Variants in ANKRD28 observed in about 807,000 individuals in gnomAD.
The protein encoded by ANKRD28 is serine/threonine-protein phosphatase 6 regulatory ankyrin repeat subunit A.
A neutral mutation model predicts 126.5 loss-of-function variants in ANKRD28; 44 were observed. That is an observed-to-expected ratio of 0.35 (90% confidence interval 0.27 to 0.45). The LOEUF is 0.45. Among genes scored for constraint, ANKRD28 ranks in the 20% least tolerant of loss-of-function variants. ANKRD28 has a pLI of 1.00. For missense variants in ANKRD28, 1,110 were observed against 1,316.6 expected (o/e 0.84, Z 2.43); for synonymous variants, 442 against 468.5 (o/e 0.94, Z 0.73).
chr3:15,685,892 G>A (rs999576619), intron 20 of ANKRD28, 110 bp downstream of exon 20: 13 of 807,972 alleles, frequency 1.6e-5, no homozygotes, highest in Non-Finnish European at 2.3e-5. Flanking sequence ...AAATGGTAAA[G>A]ACTATTTGAC....
intron 1 of ANKRD28, among the ~76,000 whole-genome samples, chr3:15,807,175 T>C (rs2060601903): frequency 6.6e-6 from 1 of 152,204 alleles, no homozygotes; most frequent in African/African-American, 2.4e-5. Context: ...GCAGTAGAAG[T>C]GGAAATATCC....
rs1013657487 is a variant in ANKRD28, at chr3:15,669,939, T to G, written c.*331A>C. 1 of 196,950 alleles carries G rather than the reference T, an allele frequency of 5.1e-6. No homozygotes were observed. The highest frequency in any genetic ancestry group is 2.3e-5 in the African/African-American group (1 of 42,964). The allele number at this position is 196,950 out of a possible 1,614,324, so 12.2% of individuals were successfully genotyped here. A position where few individuals can be genotyped will look rare whatever the true frequency, so the allele number is the denominator to read the frequency against. ...AATTTAAATCTAGTGTCTTTATTTC[T>G]TCTGTTACAATAGTGTTGCTTGTGT... On this transcript the variant is annotated 3_prime_UTR_variant, in exon 28 of 28. Transcript: ENST00000683139.
At chr3:15,762,224 A>AAAAAAAAAAAAAAAAAC (rs2058521761) in intron 3 of ANKRD28, among the ~76,000 whole-genome samples, 3 of 107,696 alleles carry the variant, frequency 2.8e-5, no homozygotes, top group African/African-American at 1.0e-4. Flanking sequence ...CAAAACAAAA[A>AAAAAAAAAAAAAAAAAC]AAAAAAAACT....
chr3:15,811,807 T>G (rs1161162230), intron 1 of ANKRD28, among the ~76,000 whole-genome samples: 1 of 151,904 alleles, frequency 6.6e-6, no homozygotes, highest in Non-Finnish European at 1.5e-5. Context: ...GAAATTGTGG[T>G]TTTCTATAGA....
At chr3:15,810,981 C>G (rs1231160499) in intron 1 of ANKRD28, among the ~76,000 whole-genome samples, 1 of 152,176 alleles carries the variant, frequency 6.6e-6, no homozygotes, top group Non-Finnish European at 1.5e-5. Context: ...TGCTGACCTA[C>G]AATCCCCTAT....
chr3:15,716,927 A>C lies in ANKRD28; in HGVS notation c.997-2271T>G, dbSNP rs531464246. Among the ~76,000 whole-genome samples, 79 of 152,154 alleles carry C rather than the reference A, an allele frequency of 5.2e-4. 1 individual carries two copies. Among genetic ancestry groups the C allele is most frequent in the African/African-American group, 1.8e-3 (76 of 41,516 alleles). ...AAGTGAGCTATGATGGTGCCACTGCACTCTGGGCTGGTCAACAGAGTGAGA... is the reference window on the plus strand; with the variant it reads ...AAGTGAGCTATGATGGTGCCACTGCCCTCTGGGCTGGTCAACAGAGTGAGA... On this transcript the variant is annotated intron_variant, in intron 8 of 27. Transcript: ENST00000683139.
intron 27 of ANKRD28, among the ~76,000 whole-genome samples, chr3:15,671,615 G>T (rs942657056): frequency 2.1e-5 from 3 of 140,944 alleles, no homozygotes; most frequent in Non-Finnish European, 4.5e-5. Context: ...GACAGAGTCT[G>T]CTCGGTCACC....
At chr3:15,813,800 T>C (rs1205366359) in intron 1 of ANKRD28, among the ~76,000 whole-genome samples, 1 of 152,244 alleles carries the variant, frequency 6.6e-6, no homozygotes, top group Non-Finnish European at 1.5e-5. Flanking sequence ...ACTGAATGAC[T>C]GTTAATGTTT....
In ANKRD28 at chr3:15,839,558, AACATGAT is replaced by A. The variant is rs1417888834; in HGVS notation, c.27+19812_27+19818del. Among the ~76,000 whole-genome samples, 1 of 152,188 alleles carries A rather than the reference AACATGAT, an allele frequency of 6.6e-6. No homozygotes were observed. Among genetic ancestry groups the A allele is most frequent in the Non-Finnish European group, 1.5e-5 (1 of 68,026 alleles). On this transcript the variant is annotated intron_variant, in intron 1 of 27. Transcript: ENST00000399451. The surrounding 1 kb of genome is among the most constrained non-coding windows in gnomAD (Gnocchi z 4.3). ...AATTTCCATCTGCAGGGTAAATAAT[AACATGAT>A]ACATGAACCAGACAAAGACACATTA... is the stretch of plus-strand genomic sequence containing the variant.
intron 1 of ANKRD28, among the ~76,000 whole-genome samples, chr3:15,831,286 A>G (rs1451188619): frequency 6.6e-6 from 1 of 152,194 alleles, no homozygotes; most frequent in African/African-American, 2.4e-5. Context: ...ATGTTTCTCT[A>G]CACAAGACAC....
intron 2 of ANKRD28, among the ~76,000 whole-genome samples, chr3:15,784,754 T>C (rs762328659): frequency 2.6e-5 from 4 of 151,984 alleles, no homozygotes; most frequent in Non-Finnish European, 5.9e-5. Flanking sequence ...GTATATATTG[T>C]CTGTAAAAAA....
chr3:15,781,011 T>C (rs1303086021), intron 2 of ANKRD28, among the ~76,000 whole-genome samples: 1 of 151,938 alleles, frequency 6.6e-6, no homozygotes, highest in Non-Finnish European at 1.5e-5. Context: ...TGGGCAATAT[T>C]TTTTTGGATA....
chr3:15,677,643 G>A, intron 24 of ANKRD28, 81 bp from the exon 25 acceptor site: 4 of 1,056,544 alleles, frequency 3.8e-6, no homozygotes, highest in Admixed American at 4.9e-5. Context: ...GAGAAATGAA[G>A]ATACAAAGCA....
Position 15,797,943 on chromosome 3 carries a change from C to A in ANKRD28, c.-1422G>T, listed in dbSNP as rs763230514. The A allele has an allele frequency of 3.0e-6, 3 of 985,276 alleles. No homozygotes were observed. Among genetic ancestry groups the A allele is most frequent in the Non-Finnish European group, 2.4e-6 (2 of 829,898 alleles). 61.0% of individuals were successfully genotyped at this position (985,276 alleles called of 1,614,324 possible). A position where few individuals can be genotyped will look rare whatever the true frequency, so the allele number is the denominator to read the frequency against. ...GACTGCAGACCCACAGGATGAAATG[C>A]CTAGTAATGCTCACATGTTACACTT... On this transcript the variant is annotated 5_prime_UTR_variant, in exon 1 of 28. Transcript: ENST00000683139.
rs1361999553 is a variant in ANKRD28 at position 15,817,754 on chromosome 3, C to A, written c.28-22448G>T. ...GAATGCCTGCTCTTAATCACTCTTACTTAATATCATATTGAAAGAAAGAGC... is the reference window on the plus strand; with the variant it reads ...GAATGCCTGCTCTTAATCACTCTTAATTAATATCATATTGAAAGAAAGAGC... On this transcript the variant is annotated intron_variant, in intron 1 of 27. Transcript: ENST00000399451. The surrounding 1 kb of genome is among the most constrained non-coding windows in gnomAD (Gnocchi z 4.5). Among the ~76,000 whole-genome samples, 1 of 152,054 alleles carries A rather than the reference C, an allele frequency of 6.6e-6. No homozygotes were observed. Among genetic ancestry groups the A allele is most frequent in the Non-Finnish European group, 1.5e-5 (1 of 68,020 alleles).
chr3:15,814,628 A>G lies in ANKRD28; in HGVS notation c.28-19322T>C, dbSNP rs902151756. On this transcript the variant is annotated intron_variant, in intron 1 of 27. Transcript: ENST00000399451. This position sits in a 1 kb window ranked among gnomAD's most constrained non-coding sequence, Gnocchi z 4.7. ...GTCATTCTCATAAATCTTAAACACA[A>G]ACACACACACACACATATACACACA... Among the ~76,000 whole-genome samples, 1 of 151,164 alleles carries G rather than the reference A, an allele frequency of 6.6e-6. No individual in the cohort carries two copies. The highest frequency in any genetic ancestry group is 2.4e-5 in the African/African-American group (1 of 41,276).
intron 1 of ANKRD28, among the ~76,000 whole-genome samples, chr3:15,855,551 G>A (rs76821802): frequency 0.013 from 1,970 of 152,302 alleles, 19 homozygotes; most frequent in Non-Finnish European, 0.02. Context: ...ACCACGGAAG[G>A]CAGTGAGATG....
chr3:15,730,653 C>T lies in ANKRD28; in HGVS notation c.640+4757G>A, dbSNP rs115986617. Among the ~76,000 whole-genome samples the T allele has an allele frequency of 7.4e-3, 1,130 of 152,242 alleles. 12 individuals are homozygous for T. Among genetic ancestry groups the T allele is most frequent in the African/African-American group, 0.025 (1,030 of 41,542 alleles). ...TATTTAACTCTTTAATCCTGCATAC[C>T]TAGAATGGCTGAACAGTTTTAGAAG... On this transcript the variant is annotated intron_variant, in intron 6 of 27. Transcript: ENST00000683139.
chr3:15,679,092 A>T (rs982634657), intron 23 of ANKRD28, among the ~76,000 whole-genome samples: 3 of 151,748 alleles, frequency 2.0e-5, no homozygotes, highest in African/African-American at 7.2e-5. Flanking sequence ...CTCCTGCCTC[A>T]GCCTCCTGAA....
Sources: gnomAD v4.1 joint callset for allele counts (sites outside exome capture counted in the v4.1 genomes callset) on GRCh38, gnomAD v4.1.1 for gene constraint, Gnocchi (gnomAD v3.1) non-coding constraint, MANE v1.5 for transcripts, NCBI Gene and HGNC (gene_info 2026-07-23, HGNC 2026-07-21) for gene names.